Variants in CEP152 observed in about 807,000 individuals in gnomAD.
CEP152 encodes centrosomal protein of 152 kDa.
Under a neutral mutation model 188.9 loss-of-function variants are expected in CEP152, and 132 were observed. The observed-to-expected ratio is 0.70, with a 90% CI of 0.61 to 0.81. The LOEUF (loss-of-function observed/expected upper bound fraction) is 0.81, where lower values mean the gene tolerates loss of function less well. Ranked by LOEUF, CEP152 falls within the 30% of genes least tolerant of loss-of-function variation. The probability of loss-of-function intolerance (pLI) is 0.00; values close to 1 mark genes in which losing one functional copy is unlikely to be tolerated. For missense variants in CEP152, 1,914 were observed against 1,969.8 expected (o/e 0.97, Z 0.54); for synonymous variants, 649 against 666.6 (o/e 0.97, Z 0.41).
chr15:48,796,864 A>C (rs1169275710), intron 5 of CEP152, among the ~76,000 whole-genome samples: 1 of 152,178 alleles, frequency 6.6e-6, no homozygotes, highest in Non-Finnish European at 1.5e-5. Flanking sequence ...CAGCTTTGAC[A>C]TGTTTAACCT....
intron 2 of CEP152, among the ~76,000 whole-genome samples, chr15:48,731,605 C>T (rs967678130): frequency 6.6e-6 from 1 of 152,072 alleles, no homozygotes; most frequent in African/African-American, 2.4e-5. Context: ...CTAGGCAATA[C>T]CATTTAGGAC....
chr15:48,737,915 C>A (rs1566970149), downstream of CEP152: 2 of 201,846 alleles, frequency 9.9e-6, no homozygotes, highest in East Asian at 1.2e-4. Context: ...TATTCTGAAC[C>A]ACAAAATAAT....
At chr15:48,769,677 G>C (rs1045393820) in intron 13 of CEP152, among the ~76,000 whole-genome samples, 1 of 152,108 alleles carries the variant, frequency 6.6e-6, no homozygotes, top group South Asian at 2.1e-4. Flanking sequence ...AGGATACTTT[G>C]AGACAATACA....
In CEP152 at chr15:48,746,292, T is replaced by C. The variant is rs554039834; in HGVS notation, c.3635-1300A>G. Among the ~76,000 whole-genome samples the C allele has an allele frequency of 2.6e-5, 4 of 152,280 alleles. No homozygotes were observed. In the East Asian group the frequency reaches 7.7e-4, roughly 29 times the overall value. On this transcript the variant is annotated intron_variant, in intron 22 of 26. Transcript: ENST00000380950. ...GCAAGTCTACGAGTTTTAGAAGATA[T>C]CAGCTTCAAAAAACACTGTGTAGAA...
At chr15:48,805,789 T>A in intron 1 of CEP152, 133 bp from the exon 2 acceptor site, 1 of 1,175,178 alleles carries the variant, frequency 8.5e-7, no homozygotes, top group Admixed American at 2.4e-5. Flanking sequence ...TATAACTCAG[T>A]TATGGCCAAT....
At chr15:48,753,707 A>G (rs907307153) in intron 20 of CEP152, among the ~76,000 whole-genome samples, 1 of 152,230 alleles carries the variant, frequency 6.6e-6, no homozygotes, top group Non-Finnish European at 1.5e-5. Flanking sequence ...CTCAGTTTTA[A>G]CTTGACTTTG....
chr15:48,729,374 A>G (rs1354311355), intron 2 of CEP152: 1 of 152,108 alleles, frequency 6.6e-6, no homozygotes, highest in Non-Finnish European at 1.5e-5. Flanking sequence ...TGTGTCTACA[A>G]AAATATTTAA....
At chr15:48,809,433 A>T (rs1898194803) in intron 1 of CEP152, among the ~76,000 whole-genome samples, 2 of 152,232 alleles carry the variant, frequency 1.3e-5, no homozygotes, top group African/African-American at 2.4e-5. Context: ...TCCGTAGTAG[A>T]TGAAAGTACA....
chr15:48,743,278 C>A (rs1260239494), intron 24 of CEP152, among the ~76,000 whole-genome samples: 1 of 152,168 alleles, frequency 6.6e-6, no homozygotes, highest in Non-Finnish European at 1.5e-5. Flanking sequence ...AAACTTCAGA[C>A]TTTTCCTGCT....
At chr15:48,795,745 T>C (rs760397737) in intron 6 of CEP152, among the ~76,000 whole-genome samples, 5 of 152,190 alleles carry the variant, frequency 3.3e-5, no homozygotes, top group Non-Finnish European at 7.3e-5. Flanking sequence ...TATGAACTCA[T>C]GGCCAATTTG....
chr15:48,786,313 C>A (rs1328728234), intron 9 of CEP152, among the ~76,000 whole-genome samples: 1 of 151,870 alleles, frequency 6.6e-6, no homozygotes, highest in African/African-American at 2.4e-5. Context: ...ATTGGAGGAA[C>A]ACTATGAGCT....
At chr15:48,805,794 G>T in intron 1 of CEP152, 138 bp from the exon 2 acceptor site, 1 of 1,159,882 alleles carries the variant, frequency 8.6e-7, no homozygotes, top group South Asian at 1.4e-5. Flanking sequence ...CTCAGTTATG[G>T]CCAATAAAAA....
rs980330690 is a variant in CEP152 at position 48,741,630 on chromosome 15, C to A, written c.4064G>T (p.Ser1355Ile). Residue 1355 changes from serine to isoleucine, a missense_variant, in exon 26 of 27, where the codon AGT becomes ATT. Ser to Ile is a moderately radical substitution (Grantham distance 142). Transcript: ENST00000380950. ...MAKLLETPISSKSQSKTTQSA... is the reference protein window; with the variant it reads ...MAKLLETPISIKSQSKTTQSA... ...CTGTGTAGTTTTGCTTTGGGACTTA[C>A]TAGAAATAGGTGTTTCCAGTAATTT... 8 of 1,614,032 alleles carry A rather than the reference C, an allele frequency of 5.0e-6. No individual in the cohort carries two copies. In the African/African-American group the frequency reaches 8.0e-5, roughly 16 times the overall value.
chr15:48,764,886 G>A (rs1894945403), intron 17 of CEP152, among the ~76,000 whole-genome samples: 1 of 151,880 alleles, frequency 6.6e-6, no homozygotes, highest in South Asian at 2.1e-4. Context: ...CTAAAGCTAA[G>A]CTGCAGTAAA....
intron 12 of CEP152, among the ~76,000 whole-genome samples, chr15:48,778,671 C>T (rs930021544): frequency 5.3e-5 from 8 of 152,072 alleles, no homozygotes; most frequent in East Asian, 1.9e-4. Flanking sequence ...TACAGGAGGC[C>T]GGGCGCGGTG....
rs752725970 is a variant in CEP152, at chr15:48,781,223, A to T, written c.1550T>A (p.Val517Asp). The change falls in exon 12 of 27, where the codon GTC becomes GAC. Residue 517 changes from valine to aspartate, a missense_variant. Val to Asp is a radical substitution (Grantham distance 152, BLOSUM62 -3). Transcript: ENST00000380950. ...ESYVDLGIKK[V>D]NWKKSKVTSI... Reference sequence around the variant, plus strand: ...GGTAACTTTGGATTTTTTCCAGTTGACCTTTTTAATACCCAAATCCACATA... The same window carrying T: ...GGTAACTTTGGATTTTTTCCAGTTGTCCTTTTTAATACCCAAATCCACATA... 4 of 1,613,530 alleles carry T rather than the reference A, an allele frequency of 2.5e-6. No homozygotes were observed. The highest frequency in any genetic ancestry group is 2.5e-6 in the Non-Finnish European group (3 of 1,179,690).
intron 10 of CEP152, chr15:48,783,174 C>G (rs1339886445): frequency 6.6e-6 from 1 of 152,116 alleles, no homozygotes; most frequent in Non-Finnish European, 1.5e-5. Context: ...GAAGTTTTGT[C>G]TATATAGCGG....
At position 48,805,637 on chromosome 15, in the gene CEP152, A is replaced by C. The variant is rs764921518; in HGVS notation, c.13T>G (p.Phe5Val). Reference protein sequence around the residue: MSLDFGSVALPVQNE... With the variant: MSLDVGSVALPVQNE... ...TGCACTGGTAGTGCCACACTGCCAAAGTCTAATGACATGGTCCTCCTGTGG... is the reference window on the plus strand; with the variant it reads ...TGCACTGGTAGTGCCACACTGCCAACGTCTAATGACATGGTCCTCCTGTGG... The change falls in exon 2 of 27, where the codon TTT becomes GTT. Residue 5 changes from phenylalanine (F) to valine (V), a missense_variant. Transcript: ENST00000380950. 2 of 1,613,562 alleles carry C rather than the reference A, an allele frequency of 1.2e-6. No individual in the cohort carries two copies. The highest frequency in any genetic ancestry group is 2.7e-5 in the African/African-American group (2 of 74,832).
At chr15:48,757,620 A>T (rs541855542) in intron 19 of CEP152, among the ~76,000 whole-genome samples, 1 of 152,164 alleles carries the variant, frequency 6.6e-6, no homozygotes, top group Admixed American at 6.5e-5. Flanking sequence ...GTGTCAAAAG[A>T]CAGAACTGGG....
Sources: gnomAD v4.1 joint callset for allele counts (sites outside exome capture counted in the v4.1 genomes callset) on GRCh38, gnomAD v4.1.1 for gene constraint, MANE v1.5 for transcripts, NCBI Gene and HGNC (gene_info 2026-07-23, HGNC 2026-07-21) for gene names.